SMAP1: variants seen among roughly 807,000 people sequenced by gnomAD.
The protein encoded by SMAP1 is small ArfGAP 1, also known as stromal membrane-associated protein 1.
Under a neutral mutation model 58.5 loss-of-function variants are expected in SMAP1, and 24 were observed. The observed-to-expected ratio is 0.41, with a 90% CI of 0.30 to 0.58. SMAP1 has a LOEUF of 0.58. Among genes scored for constraint, SMAP1 ranks in the 20% least tolerant of loss-of-function variants. SMAP1 has a pLI of 0.29. For synonymous variants in SMAP1, 216 were observed against 196.6 expected, an observed-to-expected ratio of 1.10 and a Z score of -0.82; for missense variants, 563 against 566.3, an observed-to-expected ratio of 0.99 and a Z score of 0.06.
At chr6:70,743,653 A>T (rs1262971900) in intron 2 of SMAP1, among the ~76,000 whole-genome samples, 1 of 152,204 alleles carries the variant, frequency 6.6e-6, no homozygotes, top group Non-Finnish European at 1.5e-5. Context: ...AGGATTTCTC[A>T]TTATAATTTG....
chr6:70,791,474 A>G (rs1479706974), intron 4 of SMAP1, among the ~76,000 whole-genome samples: 1 of 152,198 alleles, frequency 6.6e-6, no homozygotes, highest in East Asian at 1.9e-4. Flanking sequence ...ATTTTAAATC[A>G]TATATTATTC....
At chr6:70,761,658 A>G (rs981961319) in intron 3 of SMAP1, among the ~76,000 whole-genome samples, 3 of 151,990 alleles carry the variant, frequency 2.0e-5, no homozygotes, top group African/African-American at 7.2e-5. Flanking sequence ...TGATTTGCCT[A>G]TCAGAATACC....
chr6:70,754,923 T>C, intron 2 of SMAP1, 57 bp from the exon 3 acceptor site: 1 of 1,048,910 alleles, frequency 9.5e-7, no homozygotes. Context: ...TGTATGTATG[T>C]GCAGGAATCA....
chr6:70,773,118 G>A, intron 3 of SMAP1: 1 of 368,514 alleles, frequency 2.7e-6, no homozygotes, highest in Non-Finnish European at 4.9e-6. Flanking sequence ...TTTCTTTCTA[G>A]AATTAGTTTG....
intron 7 of SMAP1, among the ~76,000 whole-genome samples, chr6:70,847,720 C>G (rs550603751): frequency 3.3e-5 from 5 of 152,272 alleles, no homozygotes; most frequent in Admixed American, 2.6e-4. Context: ...TGTCCACCAG[C>G]TGTTTCTGCA....
intron 1 of SMAP1, among the ~76,000 whole-genome samples, chr6:70,724,137 A>G (rs2881633): frequency 0.5 from 74,629 of 150,238 alleles, 18,834 homozygotes; most frequent in African/African-American, 0.52. Flanking sequence ...TGGGGTATTT[A>G]AGGTTTTTTT....
At chr6:70,800,430 G>A (rs1041407576) in intron 6 of SMAP1, among the ~76,000 whole-genome samples, 1 of 152,082 alleles carries the variant, frequency 6.6e-6, no homozygotes, top group Non-Finnish European at 1.5e-5. Flanking sequence ...TATACATAAT[G>A]TATGGGAGAT....
intron 6 of SMAP1, among the ~76,000 whole-genome samples, chr6:70,799,696 G>A (rs1768764451): frequency 6.6e-6 from 1 of 152,072 alleles, no homozygotes; most frequent in Non-Finnish European, 1.5e-5. Context: ...TTGAACATTT[G>A]GATTATATAC....
chr6:70,718,713 T>C (rs896496694), intron 1 of SMAP1, among the ~76,000 whole-genome samples: 15 of 148,792 alleles, frequency 1.0e-4, no homozygotes, highest in Admixed American at 9.6e-4. Context: ...CCCAGCTACT[T>C]GGGAGGCTGA....
chr6:70,738,106 G>A (rs1251104321), intron 2 of SMAP1, among the ~76,000 whole-genome samples: 3 of 152,176 alleles, frequency 2.0e-5, no homozygotes. Flanking sequence ...GAATCGTGTG[G>A]CTGGGATTTA....
At chr6:70,837,284 A>G (rs1288040925) in intron 7 of SMAP1, among the ~76,000 whole-genome samples, 5 of 152,202 alleles carry the variant, frequency 3.3e-5, no homozygotes, top group African/African-American at 1.2e-4. Flanking sequence ...GTAATCTTCA[A>G]AGGCTTGCTG....
Position 70,860,563 on chromosome 6 carries a change from T to G in SMAP1, c.*229T>G, listed in dbSNP as rs1771674563. ...GCAGCTTTGCTCATATTTCCCATGA[T>G]TTCATGTACTGCATTATTTGAGAAG... On this transcript the variant is annotated 3_prime_UTR_variant, in exon 11 of 11. Transcript: ENST00000370455. 1 of 456,674 alleles carries G rather than the reference T, an allele frequency of 2.2e-6. No homozygotes were observed. Among genetic ancestry groups the G allele is most frequent in the Non-Finnish European group, 3.8e-6 (1 of 265,610 alleles). 28.3% of individuals were successfully genotyped at this position (456,674 alleles called of 1,614,324 possible). A position where few individuals can be genotyped will look rare whatever the true frequency, so the allele number is the denominator to read the frequency against.
chr6:70,830,308 A>G (rs1340255008), intron 6 of SMAP1, among the ~76,000 whole-genome samples: 4 of 152,188 alleles, frequency 2.6e-5, no homozygotes, highest in African/African-American at 9.7e-5. Context: ...CAAAAGGATG[A>G]CAGTTAAATG....
chr6:70,775,457 T>C (rs1177636252), intron 4 of SMAP1, among the ~76,000 whole-genome samples: 1 of 152,164 alleles, frequency 6.6e-6, no homozygotes, highest in Non-Finnish European at 1.5e-5. Context: ...AATAATGGTA[T>C]GCTTAGTTGT....
chr6:70,802,182 T>C (rs919893655), intron 6 of SMAP1, among the ~76,000 whole-genome samples: 1 of 152,240 alleles, frequency 6.6e-6, no homozygotes, highest in African/African-American at 2.4e-5. Context: ...GTGTCCTCTT[T>C]TATTTCATTG....
intron 4 of SMAP1, among the ~76,000 whole-genome samples, chr6:70,780,431 A>T (rs1386541345): frequency 2.0e-5 from 3 of 152,066 alleles, no homozygotes; most frequent in East Asian, 3.9e-4. Flanking sequence ...ATAATGAAAA[A>T]TTAGCTGGAT....
chr6:70,829,825 CTT>C (rs1770286096), intron 6 of SMAP1, among the ~76,000 whole-genome samples: 1 of 152,156 alleles, frequency 6.6e-6, no homozygotes, highest in African/African-American at 2.4e-5. Context: ...TATTTATGCT[CTT>C]GTCTACATTA....
At chr6:70,788,570 A>G (rs1768189287) in intron 4 of SMAP1, among the ~76,000 whole-genome samples, 1 of 152,234 alleles carries the variant, frequency 6.6e-6, no homozygotes, top group Non-Finnish European at 1.5e-5. Context: ...CAGAGGAAGC[A>G]GTTTTAACTC....
chr6:70,758,864 C>G lies in SMAP1; in HGVS notation c.338+3799C>G, dbSNP rs138722091. 2.0e-3 allele frequency among the ~76,000 whole-genome samples: 308 copies of G among 152,112 alleles called. 1 individual carries two copies. Among genetic ancestry groups the G allele is most frequent in the African/African-American group, 6.1e-3 (253 of 41,518 alleles). The stretch of plus-strand genomic sequence containing the variant: ...TTCACTGGGAGAAGGAATTCATTAC[C>G]AGCAGGAGGATTAAGAGTTAGAAAT... On this transcript the variant is annotated intron_variant, in intron 3 of 10. Transcript: ENST00000370455.
Sources: allele counts gnomAD v4.1 joint callset (sites outside exome capture counted in the v4.1 genomes callset), GRCh38; gene constraint gnomAD v4.1.1; transcripts MANE v1.5; gene names NCBI Gene and HGNC (gene_info 2026-07-23, HGNC 2026-07-21).